Variants in EPHA5 observed in about 807,000 individuals in gnomAD.
The protein encoded by EPHA5 is EPH receptor A5.
EPHA5 carries 60 observed loss-of-function variants against 105.0 expected under a neutral mutation model. That is an observed-to-expected ratio of 0.57 (90% CI 0.46 to 0.71). The LOEUF (loss-of-function observed/expected upper bound fraction) is 0.71. Ranked by LOEUF, EPHA5 falls within the 30% of genes least tolerant of loss-of-function variation. The probability of loss-of-function intolerance (pLI) is 0.00; values close to 1 mark genes in which losing one functional copy is unlikely to be tolerated. For missense variants in EPHA5, 1,218 were observed against 1,274.7 expected (o/e 0.96, Z 0.68); for synonymous variants, 513 against 449.1 (o/e 1.14, Z -1.80).
chr4:65,554,008 A>G (rs77192350), intron 3 of EPHA5, among the ~76,000 whole-genome samples: 11,599 of 151,878 alleles, frequency 0.076, 688 homozygotes, highest in Non-Finnish European at 0.11. Context: ...TTCATGAAGA[A>G]TATCTCTTAG....
intron 3 of EPHA5, among the ~76,000 whole-genome samples, chr4:65,577,980 T>C (rs1191209490): frequency 6.6e-6 from 1 of 152,212 alleles, no homozygotes; most frequent in African/African-American, 2.4e-5. Context: ...TTATAGCACT[T>C]AATTAGCCTC....
intron 3 of EPHA5, among the ~76,000 whole-genome samples, chr4:65,518,948 C>T (rs538336047): frequency 4.6e-4 from 70 of 152,158 alleles, no homozygotes; most frequent in African/African-American, 1.5e-3. Context: ...AGAGGGAATC[C>T]TCCCTAACTC....
chr4:65,375,157 C>A (rs1718869357), intron 8 of EPHA5, among the ~76,000 whole-genome samples: 1 of 151,796 alleles, frequency 6.6e-6, no homozygotes, highest in Admixed American at 6.6e-5. Context: ...AAGTTTGTTT[C>A]TTTGGCTTTA....
chr4:65,509,835 T>G (rs1733424955), intron 3 of EPHA5, among the ~76,000 whole-genome samples: 1 of 152,132 alleles, frequency 6.6e-6, no homozygotes, highest in South Asian at 2.1e-4. Context: ...AATCATCAGA[T>G]GAAGTGAATA....
At chr4:65,546,564 T>C (rs1737393217) in intron 3 of EPHA5, among the ~76,000 whole-genome samples, 1 of 152,058 alleles carries the variant, frequency 6.6e-6, no homozygotes, top group African/African-American at 2.4e-5. Context: ...GAGTGAGACA[T>C]ATTTGCAAAT....
intron 3 of EPHA5, among the ~76,000 whole-genome samples, chr4:65,525,528 G>C (rs1047585924): frequency 6.6e-6 from 1 of 151,638 alleles, no homozygotes; most frequent in Non-Finnish European, 1.5e-5. Context: ...ACACATCTGC[G>C]GCCCATTTAA....
chr4:65,408,851 A>G (rs558919606), intron 7 of EPHA5, among the ~76,000 whole-genome samples: 51 of 152,110 alleles, frequency 3.4e-4, no homozygotes, highest in Non-Finnish European at 6.3e-4. Context: ...TATATACCCA[A>G]AGGACTATAA....
chr4:65,448,878 A>G (rs2149102593), intron 5 of EPHA5, among the ~76,000 whole-genome samples: 1 of 152,284 alleles, frequency 6.6e-6, no homozygotes, highest in South Asian at 2.1e-4. Flanking sequence ...TATATAAGAA[A>G]ATAAATCATA....
intron 16 of EPHA5, chr4:65,331,729 C>T (rs1035043985): frequency 4.2e-6 from 5 of 1,201,952 alleles, no homozygotes; most frequent in Non-Finnish European, 4.1e-6. Context: ...TGCCAAGGAG[C>T]TGTTATTCCA....
At chr4:65,544,140 C>A (rs961778654) in intron 3 of EPHA5, among the ~76,000 whole-genome samples, 5 of 151,998 alleles carry the variant, frequency 3.3e-5, no homozygotes, top group Non-Finnish European at 5.9e-5. Flanking sequence ...AAACCCTAGG[C>A]AATACCATTC....
intron 8 of EPHA5, among the ~76,000 whole-genome samples, chr4:65,393,854 A>T (rs368492348): frequency 6.6e-6 from 1 of 152,112 alleles, no homozygotes; most frequent in Non-Finnish European, 1.5e-5. Context: ...TTTGAAGCAC[A>T]TTTTTAATAG....
intron 3 of EPHA5, among the ~76,000 whole-genome samples, chr4:65,525,732 A>G (rs2149290138): frequency 6.6e-6 from 1 of 152,072 alleles, no homozygotes; most frequent in East Asian, 1.9e-4. Flanking sequence ...CCTGGCATGA[A>G]TAAACCATGA....
intron 3 of EPHA5, among the ~76,000 whole-genome samples, chr4:65,567,824 T>C (rs1739709575): frequency 6.6e-6 from 1 of 151,528 alleles, no homozygotes; most frequent in Non-Finnish European, 1.5e-5. Context: ...ATTGATCTTC[T>C]CTTTTAATTG....
At chr4:65,401,857 T>C (rs772823636) in intron 8 of EPHA5, among the ~76,000 whole-genome samples, 2 of 152,002 alleles carry the variant, frequency 1.3e-5, no homozygotes, top group Non-Finnish European at 2.9e-5. Context: ...TTCATTGTTC[T>C]TGAACAGCAA....
intron 1 of EPHA5, among the ~76,000 whole-genome samples, chr4:65,666,632 G>C (rs1411460435): frequency 6.6e-6 from 1 of 151,920 alleles, no homozygotes; most frequent in Non-Finnish European, 1.5e-5. Context: ...AAAAAGTTTT[G>C]AATATTATAC....
chr4:65,357,133 A>G (rs1307338278), intron 11 of EPHA5, among the ~76,000 whole-genome samples: 1 of 151,488 alleles, frequency 6.6e-6, no homozygotes, highest in Non-Finnish European at 1.5e-5. Context: ...ATTGATAACC[A>G]TAAAAGAGCT....
At chr4:65,357,786 A>G (rs887886720) in intron 11 of EPHA5, among the ~76,000 whole-genome samples, 1 of 151,442 alleles carries the variant, frequency 6.6e-6, no homozygotes, top group East Asian at 1.9e-4. Flanking sequence ...ACTGTATTGT[A>G]CACTTGAAAA....
At chr4:65,496,433 T>A (rs1460536283) in intron 3 of EPHA5, among the ~76,000 whole-genome samples, 2 of 141,484 alleles carry the variant, frequency 1.4e-5, no homozygotes, top group East Asian at 4.6e-4. Flanking sequence ...CCTGTGTCCA[T>A]GTGATCTCAT....
intron 5 of EPHA5, among the ~76,000 whole-genome samples, chr4:65,449,158 C>T (rs577193579): frequency 1.3e-5 from 2 of 151,986 alleles, no homozygotes; most frequent in South Asian, 4.1e-4. Flanking sequence ...AGGATTATTC[C>T]TAAGTAAAAG....
Sources: gnomAD v4.1 joint callset for allele counts (sites outside exome capture counted in the v4.1 genomes callset) on GRCh38, gnomAD v4.1.1 for gene constraint, MANE v1.5 for transcripts, NCBI Gene and HGNC (gene_info 2026-07-23, HGNC 2026-07-21) for gene names.